The following HNF4G variants were observed in gnomAD, a reference collection of about 807,000 sequenced individuals.
The protein encoded by HNF4G is hepatocyte nuclear factor 4 gamma.
A neutral mutation model predicts 50.9 loss-of-function variants in HNF4G; 21 were observed. The observed-to-expected ratio is 0.41, with a 90% CI of 0.29 to 0.59. The LOEUF (loss-of-function observed/expected upper bound fraction) is 0.59, where lower values mean the gene tolerates loss of function less well. Ranked by LOEUF, HNF4G falls within the 20% of genes least tolerant of loss-of-function variation. HNF4G has a pLI of 0.26. For synonymous variants in HNF4G, 198 were observed against 185.6 expected (o/e 1.07, Z -0.54); for missense variants, 527 against 559.4 (o/e 0.94, Z 0.58).
chr8:75,502,657 T>C (rs1423552367), intron 2 of HNF4G, among the ~76,000 whole-genome samples: 1 of 152,232 alleles, frequency 6.6e-6, no homozygotes, highest in Non-Finnish European at 1.5e-5. Context: ...ATATTTGGTA[T>C]AGAAGAGGTT....
At chr8:75,491,478 T>G (rs995557676) in intron 2 of HNF4G, among the ~76,000 whole-genome samples, 3 of 151,858 alleles carry the variant, frequency 2.0e-5, no homozygotes, top group African/African-American at 7.3e-5. Flanking sequence ...TTTCTTTTCT[T>G]TCCTTTTTTT....
At chr8:75,547,821 G>A (rs958702010) in intron 3 of HNF4G, 140 bp downstream of exon 3, 12 of 617,770 alleles carry the variant, frequency 1.9e-5, no homozygotes, top group Non-Finnish European at 3.4e-5. Flanking sequence ...GATTCCTCAA[G>A]TTAAAGAATT....
upstream of HNF4G, among the ~76,000 whole-genome samples, chr8:75,535,643 A>G (rs1416484268): frequency 6.6e-6 from 1 of 151,902 alleles, no homozygotes; most frequent in Non-Finnish European, 1.5e-5. Context: ...AAATAAGTTT[A>G]AAAAACAAAT....
chr8:75,543,547 T>A (rs1806687290), intron 1 of HNF4G, among the ~76,000 whole-genome samples: 1 of 152,182 alleles, frequency 6.6e-6, no homozygotes. Flanking sequence ...AGCTAATATT[T>A]ATTGTCATGG....
intron 1 of HNF4G, among the ~76,000 whole-genome samples, chr8:75,419,096 T>C (rs1159050843): frequency 6.6e-6 from 1 of 152,190 alleles, no homozygotes; most frequent in African/African-American, 2.4e-5. Context: ...TATTTTCCCA[T>C]CATGGCCTTT....
intron 1 of HNF4G, among the ~76,000 whole-genome samples, chr8:75,488,015 G>T (rs1400190981): frequency 6.6e-6 from 1 of 152,122 alleles, no homozygotes; most frequent in Non-Finnish European, 1.5e-5. Context: ...TAGCATGAGG[G>T]TAACCATCCC....
intron 2 of HNF4G, among the ~76,000 whole-genome samples, chr8:75,545,789 G>A (rs1425036978): frequency 6.6e-6 from 1 of 151,978 alleles, no homozygotes; most frequent in East Asian, 1.9e-4. Flanking sequence ...GAAACAAGTA[G>A]CATTAATCTG....
chr8:75,421,156 A>C (rs1810766562), intron 1 of HNF4G, among the ~76,000 whole-genome samples: 1 of 152,204 alleles, frequency 6.6e-6, no homozygotes, highest in Non-Finnish European at 1.5e-5. Context: ...AGAAAAAACA[A>C]AGCAAGCAAA....
chr8:75,457,752 G>C (rs894771357), intron 1 of HNF4G, among the ~76,000 whole-genome samples: 1 of 151,962 alleles, frequency 6.6e-6, no homozygotes, highest in African/African-American at 2.4e-5. Flanking sequence ...CTCAGGTCTA[G>C]CTCTGCATAA....
In HNF4G at chr8:75,533,881, G is replaced by A. The variant is rs1806393950; in HGVS notation, c.-23-9930G>A. Among the ~76,000 whole-genome samples, 4 of 151,668 alleles carry A rather than the reference G, an allele frequency of 2.6e-5. No homozygotes were observed. In the South Asian group the frequency reaches 8.3e-4, roughly 31 times the overall value. ...TTGACTGAACATATAATCTATTATT[G>A]TATTTTATATGGAGAAACTCTCTTA... is the stretch of plus-strand genomic sequence containing the variant. On this transcript the variant is annotated intron_variant, in intron 2 of 10. Transcript: ENST00000354370.
chr8:75,540,544 A>G (rs190533353), intron 1 of HNF4G, among the ~76,000 whole-genome samples: 6 of 152,278 alleles, frequency 3.9e-5, no homozygotes, highest in Admixed American at 3.3e-4. Context: ...TAGTGATGAG[A>G]AACTACATTT....
At chr8:75,535,513 T>A (rs1050016178), upstream of HNF4G, among the ~76,000 whole-genome samples, 31 of 151,884 alleles carry the variant, frequency 2.0e-4, no homozygotes, top group African/African-American at 6.8e-4. Flanking sequence ...ATTTAGCTTT[T>A]AGTGATCTCA....
At chr8:75,482,998 A>C (rs1410244906) in intron 1 of HNF4G, among the ~76,000 whole-genome samples, 1 of 152,226 alleles carries the variant, frequency 6.6e-6, no homozygotes, top group African/African-American at 2.4e-5. Flanking sequence ...ATAACAGAGT[A>C]ATCAGTAGTG....
intron 1 of HNF4G, among the ~76,000 whole-genome samples, chr8:75,450,797 G>T (rs1048240033): frequency 6.6e-6 from 1 of 152,158 alleles, no homozygotes; most frequent in Admixed American, 6.5e-5. Context: ...AGTCCTGAGG[G>T]CTCTGTCCTC....
chr8:75,415,058 G>A (rs1015074973), intron 1 of HNF4G, among the ~76,000 whole-genome samples: 4 of 152,098 alleles, frequency 2.6e-5, no homozygotes, highest in Non-Finnish European at 5.9e-5. Flanking sequence ...TCTAATTTTA[G>A]ACATTCTAAA....
chr8:75,432,845 G>A (rs1675649897), intron 1 of HNF4G, among the ~76,000 whole-genome samples: 1 of 152,076 alleles, frequency 6.6e-6, no homozygotes, highest in African/African-American at 2.4e-5. Context: ...TTGTTCTTTT[G>A]GAACACTTTA....
intron 1 of HNF4G, among the ~76,000 whole-genome samples, chr8:75,416,682 G>A (rs1185281027): frequency 2.6e-5 from 4 of 152,194 alleles, no homozygotes; most frequent in African/African-American, 4.8e-5. Context: ...AACTGCTGAA[G>A]TATTGTACAG....
chr8:75,458,831 ATCTT>A (rs1359768328), intron 1 of HNF4G, among the ~76,000 whole-genome samples: 5 of 152,186 alleles, frequency 3.3e-5, no homozygotes, highest in East Asian at 1.9e-4. Flanking sequence ...AATAATGACA[ATCTT>A]TCTTCTATTT....
chr8:75,449,396 A>G (rs904503418), intron 1 of HNF4G, among the ~76,000 whole-genome samples: 6 of 148,730 alleles, frequency 4.0e-5, no homozygotes, highest in African/African-American at 1.6e-4. Context: ...ATTAACTAAA[A>G]AAACAAATTT....
Sources: gnomAD v4.1 joint callset for allele counts (sites outside exome capture counted in the v4.1 genomes callset) on GRCh38, gnomAD v4.1.1 for gene constraint, MANE v1.5 for transcripts, NCBI Gene and HGNC (gene_info 2026-07-23, HGNC 2026-07-21) for gene names.